WNT2: variants seen among roughly 807,000 people sequenced by gnomAD.
The protein encoded by WNT2 is Wnt family member 2, also known as protein Wnt-2.
A neutral mutation model predicts 36.9 loss-of-function variants in WNT2; 12 were observed. The ratio of observed to expected loss-of-function variants is 0.33; its 90% CI spans 0.21 to 0.53. The LOEUF is 0.53. Among genes scored for constraint, WNT2 ranks in the 20% least tolerant of loss-of-function variants. The pLI is 0.95. For missense variants in WNT2, 379 were observed against 473.1 expected (o/e 0.80, Z 1.84); for synonymous variants, 163 against 174.6 (o/e 0.93, Z 0.52).
At chr7:117,320,385 C>T in intron 2 of WNT2, 182 bp downstream of exon 2, 1 of 636,648 alleles carries the variant, frequency 1.6e-6, no homozygotes, top group Admixed American at 2.7e-5. Context: ...CTCTTACAAA[C>T]CTCTAGACAT....
chr7:117,290,974 A>G lies in WNT2; in HGVS notation c.853+6638T>C, dbSNP rs530258516. On this transcript the variant is annotated intron_variant, in intron 4 of 4. Coordinates refer to ENST00000265441, the MANE Select transcript of WNT2 (RefSeq NM_003391.3). ...CATTGCTATTGGCTGACATATTTTT[A>G]ATCATGTTTAATCATTAAAAACATG... is the stretch of plus-strand genomic sequence containing the variant. 2.0e-5 allele frequency among the ~76,000 whole-genome samples: 3 copies of G among 152,326 alleles called. No homozygotes were observed. In the East Asian group the frequency reaches 5.8e-4, roughly 29 times the overall value.
chr7:117,303,723 A>C (rs556078858), intron 3 of WNT2, among the ~76,000 whole-genome samples: 42 of 152,358 alleles, frequency 2.8e-4, no homozygotes, highest in African/African-American at 1.0e-3. Flanking sequence ...TAATATTATT[A>C]ACTGCACAGC....
chr7:117,283,590 G>C (rs369142862), intron 4 of WNT2, among the ~76,000 whole-genome samples: 12 of 152,254 alleles, frequency 7.9e-5, no homozygotes, highest in African/African-American at 2.9e-4. Context: ...TAATGGTCAT[G>C]GTGTCTTTTG....
At chr7:117,293,598 A>G (rs1414025586) in intron 4 of WNT2, among the ~76,000 whole-genome samples, 1 of 152,228 alleles carries the variant, frequency 6.6e-6, no homozygotes, top group Non-Finnish European at 1.5e-5. Context: ...GAAATTCTAT[A>G]TTAATTACTT....
chr7:117,309,432 C>G (rs955276725), intron 3 of WNT2, among the ~76,000 whole-genome samples: 7 of 152,026 alleles, frequency 4.6e-5, no homozygotes, highest in African/African-American at 1.7e-4. Flanking sequence ...TTTGGACCCC[C>G]TCACCCTCTG....
At chr7:117,302,853 C>G (rs1371035623) in intron 3 of WNT2, among the ~76,000 whole-genome samples, 1 of 152,098 alleles carries the variant, frequency 6.6e-6, no homozygotes, top group Non-Finnish European at 1.5e-5. Context: ...GTGTGTATAG[C>G]TGGCGGAAAA....
At chr7:117,281,519 C>T (rs142136396) in intron 4 of WNT2, among the ~76,000 whole-genome samples, 2 of 152,228 alleles carry the variant, frequency 1.3e-5, no homozygotes, top group Non-Finnish European at 2.9e-5. Context: ...GGATTACAGG[C>T]GTGACTCACA....
At chr7:117,296,441 G>T (rs981719115) in intron 4 of WNT2, among the ~76,000 whole-genome samples, 1 of 152,152 alleles carries the variant, frequency 6.6e-6, no homozygotes, top group African/African-American at 2.4e-5. Flanking sequence ...CTAACTGACA[G>T]CTGGCTGCCA....
Position 117,297,828 on chromosome 7 carries a change from C to T in WNT2, c.637G>A (p.Gly213Ser), listed in dbSNP as rs769475397. Residue 213 changes from glycine (G) to serine (S), a missense_variant, in exon 4 of 5, where the codon GGC becomes AGC. By Grantham distance (56) the Gly-to-Ser change is moderately conservative (BLOSUM62 0). Coordinates refer to ENST00000265441, the MANE Select transcript of WNT2 (RefSeq NM_003391.3). Reference protein sequence around the residue: ...KQECKCHGVSGSCTLRTCWLA... With the variant: ...KQECKCHGVSSSCTLRTCWLA... The stretch of plus-strand genomic sequence containing the variant: ...CAGCATGTCCTGAGAGTACATGAGC[C>T]GCTCACCCCGTGGCACTTGCACTCT... 9 of 1,614,090 alleles carry T rather than the reference C, an allele frequency of 5.6e-6. No homozygotes were observed. Among genetic ancestry groups the T allele is most frequent in the East Asian group, 2.2e-5 (1 of 44,868 alleles).
intron 4 of WNT2, among the ~76,000 whole-genome samples, chr7:117,283,167 G>C (rs1794519374): frequency 6.6e-6 from 1 of 152,214 alleles, no homozygotes; most frequent in African/African-American, 2.4e-5. Flanking sequence ...CTGGGACTCA[G>C]GAGAGAGGTG....
At chr7:117,289,051 CTTTTT>C (rs1187027317) in intron 4 of WNT2, among the ~76,000 whole-genome samples, 225 of 89,434 alleles carry the variant, frequency 2.5e-3, no homozygotes, top group African/African-American at 0.01. Flanking sequence ...TCACGTTAGA[CTTTTT>C]TTTTTTTTTT....
At chr7:117,317,984 A>G (rs1425016265) in intron 2 of WNT2, among the ~76,000 whole-genome samples, 1 of 152,160 alleles carries the variant, frequency 6.6e-6, no homozygotes, top group East Asian at 1.9e-4. Context: ...GAATATTTTT[A>G]GTTTTGCTAG....
rs77065438 is a variant in WNT2 at position 117,311,395 on chromosome 7, T to G, written c.588+3676A>C. Among the ~76,000 whole-genome samples, 797 of 152,302 alleles carry G rather than the reference T, an allele frequency of 5.2e-3. 10 individuals are homozygous for G. Among genetic ancestry groups the G allele is most frequent in the African/African-American group, 0.016 (681 of 41,558 alleles). On this transcript the variant is annotated intron_variant, in intron 3 of 4. Coordinates refer to ENST00000265441, the MANE Select transcript of WNT2 (RefSeq NM_003391.3). ...ATATGGAAATGTAGACAAGGGCACA[T>G]GGGAGAACAGGAGCGGATGTGAACT...
At chr7:117,316,731 CA>C (rs1238522318) in intron 2 of WNT2, among the ~76,000 whole-genome samples, 6 of 152,096 alleles carry the variant, frequency 3.9e-5, no homozygotes, top group Admixed American at 3.9e-4. Flanking sequence ...CTCTAACCAT[CA>C]AAAAAGGAAT....
intron 4 of WNT2, among the ~76,000 whole-genome samples, 156 bp from the exon 5 acceptor site, chr7:117,278,540 T>C (rs1794424226): frequency 1.3e-5 from 2 of 152,230 alleles, no homozygotes; most frequent in Admixed American, 1.3e-4. Flanking sequence ...GCCCATGCCA[T>C]GTGTGCAAAT....
intron 4 of WNT2, among the ~76,000 whole-genome samples, chr7:117,288,482 T>C (rs1794627280): frequency 6.6e-6 from 1 of 152,192 alleles, no homozygotes; most frequent in Non-Finnish European, 1.5e-5. Flanking sequence ...CAGTACAAAA[T>C]AGGTGTCATG....
At chr7:117,294,702 A>C (rs1479602760) in intron 4 of WNT2, among the ~76,000 whole-genome samples, 1 of 152,204 alleles carries the variant, frequency 6.6e-6, no homozygotes, top group East Asian at 1.9e-4. Context: ...CTAAGACAGA[A>C]GACAGATAAG....
At chr7:117,308,796 G>A (rs970388997) in intron 3 of WNT2, among the ~76,000 whole-genome samples, 22 of 152,236 alleles carry the variant, frequency 1.4e-4, no homozygotes, top group African/African-American at 3.9e-4. Context: ...CTTTCTAAGA[G>A]TGTGATTTCT....
chr7:117,316,545 C>A (rs934018041), intron 2 of WNT2, among the ~76,000 whole-genome samples: 1 of 152,168 alleles, frequency 6.6e-6, no homozygotes, highest in Non-Finnish European at 1.5e-5. Context: ...GGAGAGCAAA[C>A]CACCTTTTCA....
Sources: allele counts gnomAD v4.1 joint callset (sites outside exome capture counted in the v4.1 genomes callset), GRCh38; gene constraint gnomAD v4.1.1; transcripts MANE v1.5; gene names NCBI Gene and HGNC (gene_info 2026-07-23, HGNC 2026-07-21).